The following CARD14 variants were observed in gnomAD, a reference collection of about 807,000 sequenced individuals.
The protein encoded by CARD14 is caspase recruitment domain-containing protein 14.
In CARD14, 107 loss-of-function variants were observed where a neutral mutation model predicts 111.5. That is an observed-to-expected ratio of 0.96 (90% CI 0.82 to 1.13). The LOEUF is 1.13. Among genes scored for constraint, CARD14 ranks in the 50% most tolerant of loss-of-function variants. The probability of loss-of-function intolerance (pLI) is 0.00; values close to 1 mark genes in which losing one functional copy is unlikely to be tolerated. For synonymous variants in CARD14, 617 were observed against 579.6 expected, an observed-to-expected ratio of 1.06 and a Z score of -0.93; for missense variants, 1,322 against 1,362.3, an observed-to-expected ratio of 0.97 and a Z score of 0.47.
At position 80,183,773 on chromosome 17, in the gene CARD14, C is replaced by A. The variant is rs1054039688; in HGVS notation, c.350-140C>A. On this transcript the variant is annotated intron_variant, in intron 6 of 23. Transcript: ENST00000648509. ...CCACATGCTCAGCTGCCCACATGCT[C>A]ACCCGCCCACATGCTCACCCGCCCA... 6 of 459,534 alleles carry A rather than the reference C, an allele frequency of 1.3e-5. No individual in the cohort carries two copies. The South Asian group carries it at 1.5e-4, about 11-fold the overall frequency. 28.5% of individuals were successfully genotyped at this position (459,534 alleles called of 1,614,324 possible).
chr17:80,190,010 A>C, intron 9 of CARD14, 138 bp downstream of exon 9: 1 of 1,238,362 alleles, frequency 8.1e-7, no homozygotes, highest in South Asian at 1.6e-5. Context: ...CGGCCTGTTC[A>C]TCTGTCCCTT....
intron 2 of CARD14, among the ~76,000 whole-genome samples, chr17:80,177,436 CT>C (rs1169355652): frequency 6.6e-6 from 1 of 152,108 alleles, no homozygotes; most frequent in Non-Finnish European, 1.5e-5. Flanking sequence ...TGGTTCATGC[CT>C]GTAATCCCAG....
rs749438022 is a variant in CARD14 at position 80,182,638 on chromosome 17, G to A, written c.212-15G>A. ...TAGCTGGGTTCTGCCCAGACAGACGGTTCTGCCTCCCAAGGGCACTTGCTG... is the reference window on the plus strand; with the variant it reads ...TAGCTGGGTTCTGCCCAGACAGACGATTCTGCCTCCCAAGGGCACTTGCTG... On this transcript the variant is annotated splice_polypyrimidine_tract_variant and intron_variant, in intron 5 of 23. Transcript: ENST00000648509. This position sits in a 1 kb window ranked among gnomAD's most constrained non-coding sequence, Gnocchi z 4.7. The A allele has an allele frequency of 3.1e-6, 5 of 1,613,754 alleles. No homozygotes were observed. Among genetic ancestry groups the A allele is most frequent in the Middle Eastern group, 1.7e-4 (1 of 6,012 alleles).
rs769606058 is a variant in CARD14 at position 80,182,509 on chromosome 17, C to A, written c.212-144C>A. The A allele has an allele frequency of 9.5e-6, 9 of 945,632 alleles. No homozygotes were observed. The highest frequency in any genetic ancestry group is 1.2e-5 in the Non-Finnish European group (8 of 642,014). The allele number at this position is 945,632 out of a possible 1,614,324, so 58.6% of individuals were successfully genotyped here. A position where few individuals can be genotyped will look rare whatever the true frequency, so the allele number is the denominator to read the frequency against. ...GAGGGCGCGTCCCACCCAGCAGAAC[C>A]CAGAAAACCGCTTTCACCTCCCGAT... On this transcript the variant is annotated intron_variant, in intron 5 of 23. Transcript: ENST00000648509. This position sits in a 1 kb window ranked among gnomAD's most constrained non-coding sequence, Gnocchi z 4.7.
At chr17:80,207,166 G>A in intron 23 of CARD14, 81 bp downstream of exon 23, 2 of 997,372 alleles carry the variant, frequency 2.0e-6, no homozygotes, top group Admixed American at 2.0e-5. Flanking sequence ...TGCCTCTGGA[G>A]TGTGCTCTGC....
At position 80,202,189 on chromosome 17, in the gene CARD14, G is replaced by C. The variant is rs904263432; in HGVS notation, c.1988G>C (p.Arg663Thr). 7 of 1,613,518 alleles carry C rather than the reference G, an allele frequency of 4.3e-6. No individual in the cohort carries two copies. Among genetic ancestry groups the C allele is most frequent in the African/African-American group, 1.3e-5 (1 of 74,894 alleles). The part of the protein sequence containing the change: ...SVKVNTDGYK[R>T]LLQDLEAKVA... ...TGTCCCCTTTTATCAGGTTATAAGAGGCTACTCCAGGACCTGGAGGCCAAA... is the reference window on the plus strand; with the variant it reads ...TGTCCCCTTTTATCAGGTTATAAGACGCTACTCCAGGACCTGGAGGCCAAA... The change falls in exon 18 of 24, where the codon AGG (arginine) becomes ACG (threonine). Residue 663 changes from arginine (R) to threonine (T), a missense_variant. Physicochemically the swap from Arg to Thr is moderately conservative, Grantham distance 71. Transcript: ENST00000648509.
chr17:80,198,063 G>T lies in CARD14; in HGVS notation c.1595-36G>T, dbSNP rs2040781704. ...TACAGGACGCCCCATCAGCAGTGGG[G>T]TGACCAAGATCTGTGAGCTCTTGGC... is the stretch of plus-strand genomic sequence containing the variant. On this transcript the variant is annotated intron_variant, in intron 14 of 23. Coordinates refer to ENST00000648509, the MANE Select transcript of CARD14 (RefSeq NM_001366385.1). The surrounding 1 kb of genome is among the most constrained non-coding windows in gnomAD (Gnocchi z 7.5). 6.2e-7 allele frequency: 1 copy of T among 1,611,488 alleles called. No individual in the cohort carries two copies. Among genetic ancestry groups the T allele is most frequent in the Non-Finnish European group, 8.5e-7 (1 of 1,178,456 alleles).
intron 12 of CARD14, among the ~76,000 whole-genome samples, chr17:80,193,683 G>T (rs1444982762): frequency 6.6e-6 from 1 of 152,196 alleles, no homozygotes; most frequent in Non-Finnish European, 1.5e-5. Flanking sequence ...TGGCCCAAGA[G>T]CAGCAGGCCC....
chr17:80,176,984 C>T (rs1057454608), intron 2 of CARD14, among the ~76,000 whole-genome samples: 2 of 152,230 alleles, frequency 1.3e-5, no homozygotes, highest in African/African-American at 4.8e-5. Context: ...TAAATTACCA[C>T]AAACTGGGTG....
Position 80,198,252 on chromosome 17 carries a change from G to A in CARD14, c.1658+90G>A. On this transcript the variant is annotated intron_variant, in intron 15 of 23. Coordinates refer to ENST00000648509, the MANE Select transcript of CARD14 (RefSeq NM_001366385.1). This position sits in a 1 kb window ranked among gnomAD's most constrained non-coding sequence, Gnocchi z 7.5. ...GAGGGTGAGTGTCCTATTACCAATGGGAGGCAACAGCCTTTCCAAGCACAT... is the reference window on the plus strand; with the variant it reads ...GAGGGTGAGTGTCCTATTACCAATGAGAGGCAACAGCCTTTCCAAGCACAT... 6.4e-7 allele frequency: 1 copy of A among 1,567,446 alleles called. No homozygotes were observed. Among genetic ancestry groups the A allele is most frequent in the Non-Finnish European group, 8.8e-7 (1 of 1,140,946 alleles).
intron 10 of CARD14, 35 bp from the exon 11 acceptor site, chr17:80,191,288 T>C: frequency 1.9e-6 from 3 of 1,595,026 alleles, no homozygotes; most frequent in Non-Finnish European, 1.7e-6. Context: ...CCGGTGGTGA[T>C]GGCGCGGCCT....
At chr17:80,172,255 T>A (rs144231825) in intron 1 of CARD14, among the ~76,000 whole-genome samples, 111 of 152,364 alleles carry the variant, frequency 7.3e-4, no homozygotes, top group Middle Eastern at 6.8e-3. Context: ...GTATTTTCCA[T>A]CTGCCTTGGA....
In CARD14 at chr17:80,188,459, C is replaced by G. The variant is rs780324929; in HGVS notation, c.758C>G (p.Thr253Arg). Residue 253 changes from threonine to arginine, a missense_variant, in exon 8 of 24, where the codon ACA (threonine) becomes AGA (arginine). Physicochemically the swap from Thr to Arg is moderately conservative, Grantham distance 71. Coordinates refer to ENST00000648509, the MANE Select transcript of CARD14 (RefSeq NM_001366385.1). This position sits in a 1 kb window ranked among gnomAD's most constrained non-coding sequence, Gnocchi z 4.5. The part of the protein sequence containing the change: ...ELELQEQSLR[T>R]ASDQESGDEE... ...GAATTGCAAGAGCAGTCCCTGAGGA[C>G]AGCCAGCGACCAGGAGTCCGGGGAT... is the stretch of plus-strand genomic sequence containing the variant. 1.9e-6 allele frequency: 3 copies of G among 1,603,210 alleles called. No individual in the cohort carries two copies. The highest frequency in any genetic ancestry group is 2.6e-6 in the Non-Finnish European group (3 of 1,175,458).
At chr17:80,194,615 A>G (rs2040644094) in intron 12 of CARD14, among the ~76,000 whole-genome samples, 1 of 152,242 alleles carries the variant, frequency 6.6e-6, no homozygotes, top group Non-Finnish European at 1.5e-5. Context: ...CACAGTTCAC[A>G]GTTCAGCATG....
In CARD14 at chr17:80,189,512, AACTGGT is replaced by A. The variant is rs2040448086; in HGVS notation, c.844-240_844-235del. 6.6e-6 allele frequency among the ~76,000 whole-genome samples: 1 copy of A among 152,028 alleles called. No individual in the cohort carries two copies. Among genetic ancestry groups the A allele is most frequent in the African/African-American group, 2.4e-5 (1 of 41,382 alleles). On this transcript the variant is annotated intron_variant, in intron 8 of 23. Coordinates refer to ENST00000648509, the MANE Select transcript of CARD14 (RefSeq NM_001366385.1). The surrounding 1 kb of genome is among the most constrained non-coding windows in gnomAD (Gnocchi z 4.7). ...AGAAGGCTGACCTGGTAAAGGGAGGAACTGGTGTCCTCAGAGGTTGCCAGCTTCCTG... is the reference window on the plus strand; with the variant it reads ...AGAAGGCTGACCTGGTAAAGGGAGGAGTCCTCAGAGGTTGCCAGCTTCCTG...
At chr17:80,204,057 C>A in intron 19 of CARD14, 170 bp from the exon 20 acceptor site, 1 of 812,540 alleles carries the variant, frequency 1.2e-6, no homozygotes, top group South Asian at 1.8e-5. Context: ...CAGCCCCTGC[C>A]CAGCCTGCAG....
intron 14 of CARD14, among the ~76,000 whole-genome samples, chr17:80,197,854 C>A (rs747253344): frequency 6.6e-6 from 1 of 152,176 alleles, no homozygotes; most frequent in Non-Finnish European, 1.5e-5. Flanking sequence ...AAGATGAAAT[C>A]AAGGTCCCAA....
rs192866190 is a variant in CARD14, at chr17:80,201,365, C to T, written c.1852-379C>T. On this transcript the variant is annotated intron_variant, in intron 16 of 23. Transcript: ENST00000648509. The surrounding 1 kb of genome is among the most constrained non-coding windows in gnomAD (Gnocchi z 5.0). ...GCATCCTGTAGGGCCCGGTATAGCCCGCAGCAGCACAGAATGATCCCAAGG... is the reference window on the plus strand; with the variant it reads ...GCATCCTGTAGGGCCCGGTATAGCCTGCAGCAGCACAGAATGATCCCAAGG... 10 of 210,420 alleles carry T rather than the reference C, an allele frequency of 4.8e-5. No homozygotes were observed. The highest frequency in any genetic ancestry group is 7.8e-5 in the Non-Finnish European group (8 of 103,108). The allele number at this position is 210,420 out of a possible 1,614,324, so 13.0% of individuals were successfully genotyped here.
rs1326277247 is a variant in CARD14 at position 80,195,589 on chromosome 17, G to C, written c.1531G>C (p.Gly511Arg). The C allele has an allele frequency of 6.2e-7, 1 of 1,612,984 alleles. No individual in the cohort carries two copies. Among genetic ancestry groups the C allele is most frequent in the Middle Eastern group, 1.7e-4 (1 of 6,058 alleles). The change falls in exon 14 of 24, where the codon GGA becomes CGA. Residue 511 changes from glycine to arginine, a missense_variant. By Grantham distance (125) the Gly-to-Arg change is moderately radical (BLOSUM62 -2). Transcript: ENST00000648509. This position sits in a 1 kb window ranked among gnomAD's most constrained non-coding sequence, Gnocchi z 4.7. ...SCLEIPEGDP[G>R]ALPGAKAGDP... Reference sequence around the variant, plus strand: ...CCTGGAGATCCCGGAGGGAGACCCGGGAGCCCTGCCGGGAGCTAAGGCAGG... The same window carrying C: ...CCTGGAGATCCCGGAGGGAGACCCGCGAGCCCTGCCGGGAGCTAAGGCAGG...
Sources: allele counts gnomAD v4.1 joint callset (sites outside exome capture counted in the v4.1 genomes callset), GRCh38; gene constraint gnomAD v4.1.1; non-coding constraint Gnocchi (gnomAD v3.1); transcripts MANE v1.5; gene names NCBI Gene and HGNC (gene_info 2026-07-23, HGNC 2026-07-21).